The following GRID1 variants were observed in gnomAD, a reference collection of about 807,000 sequenced individuals.
GRID1 encodes glutamate ionotropic receptor delta type subunit 1, also known as glutamate receptor ionotropic, delta-1.
In GRID1, 28 loss-of-function variants were observed where a neutral mutation model predicts 98.0. That is an observed-to-expected ratio of 0.29 (90% CI 0.21 to 0.39). The LOEUF is 0.39. GRID1 is among the 10% of genes least tolerant of loss of function. GRID1 has a pLI of 1.00. For synonymous variants in GRID1, 553 were observed against 538.5 expected, an observed-to-expected ratio of 1.03 and a Z score of -0.37; for missense variants, 1,111 against 1,340.5, an observed-to-expected ratio of 0.83 and a Z score of 2.67.
At chr10:85,659,634 C>A (rs183369744) in intron 12 of GRID1, among the ~76,000 whole-genome samples, 3 of 152,302 alleles carry the variant, frequency 2.0e-5, no homozygotes, top group Non-Finnish European at 2.9e-5. Context: ...CTATAAGATG[C>A]TAGCCGTTCT....
intron 2 of GRID1, among the ~76,000 whole-genome samples, chr10:86,221,399 C>G (rs1011233552): frequency 1.4e-4 from 22 of 152,186 alleles, no homozygotes; most frequent in African/African-American, 5.3e-4. Context: ...GGAAACCCCC[C>G]ACAAAACTCC....
intron 8 of GRID1, among the ~76,000 whole-genome samples, chr10:85,765,557 T>C (rs1299862519): frequency 6.6e-6 from 1 of 152,214 alleles, no homozygotes; most frequent in African/African-American, 2.4e-5. Context: ...AGTCAAAATT[T>C]TGTTTCATGC....
chr10:86,060,896 C>A (rs1214042520), intron 4 of GRID1, among the ~76,000 whole-genome samples: 3 of 152,154 alleles, frequency 2.0e-5, no homozygotes, highest in African/African-American at 7.2e-5. Context: ...CTCTGGGTAT[C>A]CACCTCCCAA....
intron 2 of GRID1, among the ~76,000 whole-genome samples, chr10:86,240,425 G>A (rs1846609755): frequency 6.6e-6 from 1 of 152,226 alleles, no homozygotes; most frequent in African/African-American, 2.4e-5. Flanking sequence ...TGAGAGTGGA[G>A]TGCTGCCTCC....
At chr10:85,844,456 C>T (rs1399756070) in intron 8 of GRID1, among the ~76,000 whole-genome samples, 1 of 139,168 alleles carries the variant, frequency 7.2e-6, no homozygotes, top group Non-Finnish European at 1.6e-5. Flanking sequence ...CACACACACA[C>T]ACACACACAC....
At chr10:86,161,957 C>T (rs915791947) in intron 3 of GRID1, among the ~76,000 whole-genome samples, 1 of 152,098 alleles carries the variant, frequency 6.6e-6, no homozygotes, top group Non-Finnish European at 1.5e-5. Flanking sequence ...TACAAATTTC[C>T]GATTGTCACT....
intron 4 of GRID1, among the ~76,000 whole-genome samples, chr10:85,935,711 T>C (rs145948702): frequency 6.6e-6 from 1 of 152,346 alleles, no homozygotes; most frequent in East Asian, 1.9e-4. Flanking sequence ...TCAATTCCTT[T>C]AATCCCCTCA....
intron 8 of GRID1, among the ~76,000 whole-genome samples, chr10:85,732,700 C>A (rs1841839138): frequency 1.3e-5 from 2 of 152,124 alleles, no homozygotes; most frequent in South Asian, 2.1e-4. Flanking sequence ...CAAGTGGGTA[C>A]CCTTACAACA....
chr10:85,688,553 G>A (rs781448717), intron 12 of GRID1, among the ~76,000 whole-genome samples: 25 of 152,124 alleles, frequency 1.6e-4, no homozygotes, highest in Non-Finnish European at 3.2e-4. Context: ...AAGCAGGAAG[G>A]AAGCTATCTA....
chr10:85,883,389 G>A (rs949760082), intron 5 of GRID1, among the ~76,000 whole-genome samples: 10 of 151,990 alleles, frequency 6.6e-5, no homozygotes, highest in East Asian at 1.9e-4. Flanking sequence ...TTCTAAATAC[G>A]TAAAGTCATT....
intron 8 of GRID1, among the ~76,000 whole-genome samples, chr10:85,743,105 G>GGCCC (rs1841961027): frequency 3.6e-5 from 3 of 82,672 alleles, no homozygotes; most frequent in Admixed American, 1.8e-4. Context: ...GAATTATGCA[G>GGCCC]CCCCCCCCCC....
chr10:85,916,141 G>A lies in GRID1; in HGVS notation c.780+45C>T. The A allele has an allele frequency of 7.1e-7, 1 of 1,407,686 alleles. No individual in the cohort carries two copies. Among genetic ancestry groups the A allele is most frequent in the East Asian group, 2.3e-5 (1 of 43,964 alleles). The allele number at this position is 1,407,686 out of a possible 1,614,324, so 87.2% of individuals were successfully genotyped here. On this transcript the variant is annotated intron_variant, in intron 5 of 15. Transcript: ENST00000327946. This position sits in a 1 kb window ranked among gnomAD's most constrained non-coding sequence, Gnocchi z 4.0. ...TCACACTGAGCTTTACAAGGGGCTA[G>A]GGGCTCAGTCCAGGCCGTGCTCATC... is the stretch of plus-strand genomic sequence containing the variant.
chr10:86,213,605 T>A (rs1846135408), intron 2 of GRID1, among the ~76,000 whole-genome samples: 2 of 152,070 alleles, frequency 1.3e-5, no homozygotes, highest in African/African-American at 2.4e-5. Context: ...CCCAGATCCA[T>A]CATGTATACC....
In GRID1 at chr10:86,138,944, T is replaced by C. The variant is rs760540172; in HGVS notation, c.601A>G (p.Ile201Val). The change falls in exon 4 of 16, where the codon ATT (isoleucine) becomes GTT (valine). Residue 201 changes from isoleucine (I) to valine (V), a missense_variant. By Grantham distance (29) the Ile-to-Val change is conservative. Coordinates refer to ENST00000327946, the MANE Select transcript of GRID1 (RefSeq NM_017551.3). ...DVSLQKVDKN[I>V]SHVFTSLFTT... ...AAGAGGCTGGTGAATACGTGGCTAA[T>C]GTTCTTGTCCACCTTTTGTAAAGAG... The C allele has an allele frequency of 2.5e-6, 4 of 1,613,966 alleles. No homozygotes were observed. The highest frequency in any genetic ancestry group is 2.2e-5 in the South Asian group (2 of 91,080).
At chr10:85,730,523 CT>C (rs1359440401) in intron 8 of GRID1, among the ~76,000 whole-genome samples, 1 of 152,222 alleles carries the variant, frequency 6.6e-6, no homozygotes, top group Non-Finnish European at 1.5e-5. Context: ...GCTCCTGATA[CT>C]GCAGCCAATG....
At chr10:85,741,422 T>G (rs911879587) in intron 8 of GRID1, among the ~76,000 whole-genome samples, 1 of 152,186 alleles carries the variant, frequency 6.6e-6, no homozygotes, top group Non-Finnish European at 1.5e-5. Flanking sequence ...CCTGTTAGTG[T>G]GTGGTCAGTG....
intron 8 of GRID1, among the ~76,000 whole-genome samples, chr10:85,746,910 G>T (rs1218291548): frequency 6.6e-6 from 1 of 152,152 alleles, no homozygotes; most frequent in Non-Finnish European, 1.5e-5. Context: ...AGTTTCTCAT[G>T]CATTTGCCTT....
chr10:85,750,677 C>A (rs1842038140), intron 8 of GRID1, among the ~76,000 whole-genome samples: 1 of 152,132 alleles, frequency 6.6e-6, no homozygotes, highest in Non-Finnish European at 1.5e-5. Flanking sequence ...GGTAACATAG[C>A]ACTATGCATC....
intron 4 of GRID1, among the ~76,000 whole-genome samples, chr10:85,969,308 G>A (rs1842377737): frequency 1.3e-5 from 2 of 152,024 alleles, no homozygotes; most frequent in South Asian, 4.1e-4. Context: ...GTTCAATCAG[G>A]AAACAGCTTG....
Sources: gnomAD v4.1 joint callset for allele counts (sites outside exome capture counted in the v4.1 genomes callset) on GRCh38, gnomAD v4.1.1 for gene constraint, Gnocchi (gnomAD v3.1) non-coding constraint, MANE v1.5 for transcripts, NCBI Gene and HGNC (gene_info 2026-07-23, HGNC 2026-07-21) for gene names.